WIPF2: variants seen among roughly 807,000 people sequenced by gnomAD.
WIPF2 encodes WAS/WASL-interacting protein family member 2.
Under a neutral mutation model 38.8 loss-of-function variants are expected in WIPF2, and 23 were observed. The ratio of observed to expected loss-of-function variants is 0.59; its 90% confidence interval spans 0.43 to 0.84. WIPF2 has a LOEUF of 0.84. Among genes scored for constraint, WIPF2 ranks in the 40% least tolerant of loss-of-function variants. WIPF2 has a pLI of 0.00. For synonymous variants in WIPF2, 210 were observed against 223.2 expected, an observed-to-expected ratio of 0.94 and a Z score of 0.53; for missense variants, 574 against 580.5, an observed-to-expected ratio of 0.99 and a Z score of 0.11.
chr17:40,261,677 T>G (rs138419855), intron 3 of WIPF2, among the ~76,000 whole-genome samples: 6 of 118,056 alleles, frequency 5.1e-5, no homozygotes, highest in East Asian at 3.9e-4. Flanking sequence ...TGTTTTTTTT[T>G]TTTGGTTTTT....
At chr17:40,249,132 G>A (rs2031470538) in intron 1 of WIPF2, among the ~76,000 whole-genome samples, 1 of 152,186 alleles carries the variant, frequency 6.6e-6, no homozygotes, top group Non-Finnish European at 1.5e-5. Flanking sequence ...ATAGCATTAA[G>A]ATTTAGAATT....
At chr17:40,244,392 G>A (rs964004082) in intron 1 of WIPF2, among the ~76,000 whole-genome samples, 1 of 152,112 alleles carries the variant, frequency 6.6e-6, no homozygotes, top group Non-Finnish European at 1.5e-5. Context: ...TGCCATTGTA[G>A]TAATGAGCTC....
At chr17:40,261,857 T>G (rs2031916477) in intron 3 of WIPF2, among the ~76,000 whole-genome samples, 2 of 150,400 alleles carry the variant, frequency 1.3e-5, no homozygotes. Flanking sequence ...CGGCTAATTT[T>G]TTGTATTTTT....
chr17:40,233,670 T>C (rs560545082), intron 1 of WIPF2, among the ~76,000 whole-genome samples: 1 of 152,254 alleles, frequency 6.6e-6, no homozygotes, highest in African/African-American at 2.4e-5. Flanking sequence ...CTGAAGGTGA[T>C]GGCACAAGCC....
intron 1 of WIPF2, among the ~76,000 whole-genome samples, chr17:40,229,199 C>T (rs2030637841): frequency 6.6e-6 from 1 of 151,690 alleles, no homozygotes; most frequent in African/African-American, 2.4e-5. Flanking sequence ...GCAACCTCTG[C>T]CTCCCGGGTT....
intron 1 of WIPF2, among the ~76,000 whole-genome samples, chr17:40,243,598 C>G (rs923260109): frequency 6.6e-6 from 1 of 151,944 alleles, no homozygotes; most frequent in African/African-American, 2.4e-5. Context: ...ACTGCAACCT[C>G]TGCCTACCGG....
chr17:40,265,592 A>G (rs1049714356), intron 5 of WIPF2, among the ~76,000 whole-genome samples: 1 of 152,208 alleles, frequency 6.6e-6, no homozygotes, highest in Admixed American at 6.5e-5. Context: ...GCCATAAGGC[A>G]GAAGTATTCT....
At chr17:40,268,761 G>GA (rs1294628601) in intron 5 of WIPF2, among the ~76,000 whole-genome samples, 4 of 152,068 alleles carry the variant, frequency 2.6e-5, no homozygotes, top group African/African-American at 7.2e-5. Context: ...TGATAAACCA[G>GA]AAAAAAATTG....
chr17:40,276,015 A>T (rs186922993), intron 6 of WIPF2, among the ~76,000 whole-genome samples: 2,309 of 152,326 alleles, frequency 0.015, 29 homozygotes, highest in Non-Finnish European at 0.023. Flanking sequence ...CTTACAGAAA[A>T]TTTGAGCTTT....
intron 1 of WIPF2, among the ~76,000 whole-genome samples, chr17:40,251,338 ATTTT>A (rs199868665): frequency 7.1e-6 from 1 of 140,264 alleles, no homozygotes; most frequent in Non-Finnish European, 1.6e-5. Context: ...GTTTTGGTTC[ATTTT>A]TTTTTTTTTT....
intron 1 of WIPF2, among the ~76,000 whole-genome samples, chr17:40,239,638 C>T (rs941028770): frequency 2.0e-5 from 3 of 151,390 alleles, no homozygotes; most frequent in Non-Finnish European, 2.9e-5. Context: ...CCCTTATTTC[C>T]GTCACTGCCC....
intron 1 of WIPF2, among the ~76,000 whole-genome samples, chr17:40,227,117 C>T (rs2030527174): frequency 6.6e-6 from 1 of 152,074 alleles, no homozygotes; most frequent in South Asian, 2.1e-4. Context: ...TCTGGGCTCA[C>T]TGCAAGCTCT....
chr17:40,232,372 T>C (rs1250490483), intron 1 of WIPF2, among the ~76,000 whole-genome samples: 1 of 151,442 alleles, frequency 6.6e-6, no homozygotes, highest in African/African-American at 2.4e-5. Flanking sequence ...GTAGTTTTAG[T>C]AGAGACAGGG....
At position 40,238,853 on chromosome 17, in the gene WIPF2, C is replaced by T. The variant is rs138488180; in HGVS notation, c.-69-17538C>T. Reference sequence around the variant, plus strand: ...GTCTGAAACTCCTGACCTCATGATCCGCCCGCCTTGGCCTCCCAAAGTGCT... The same window carrying T: ...GTCTGAAACTCCTGACCTCATGATCTGCCCGCCTTGGCCTCCCAAAGTGCT... On this transcript the variant is annotated intron_variant, in intron 1 of 7. Coordinates refer to ENST00000323571, the MANE Select transcript of WIPF2 (RefSeq NM_133264.5). Among the ~76,000 whole-genome samples, 703 of 151,882 alleles carry T rather than the reference C, an allele frequency of 4.6e-3. 8 individuals carry two copies. Among genetic ancestry groups the T allele is most frequent in the South Asian group, 8.3e-3 (40 of 4,810 alleles).
chr17:40,274,125 C>T (rs2032321346), intron 6 of WIPF2, 126 bp downstream of exon 6: 3 of 710,422 alleles, frequency 4.2e-6, no homozygotes, highest in South Asian at 2.2e-5. Flanking sequence ...CACAATAGTT[C>T]TCCTGCTGAC....
At chr17:40,272,260 C>A (rs917012650) in intron 5 of WIPF2, among the ~76,000 whole-genome samples, 19 of 152,118 alleles carry the variant, frequency 1.2e-4, no homozygotes, top group Non-Finnish European at 1.9e-4. Context: ...CTCAGGTGAT[C>A]CTCCCGCCTC....
chr17:40,222,425 A>C (rs954577492), intron 1 of WIPF2, among the ~76,000 whole-genome samples: 1 of 150,508 alleles, frequency 6.6e-6, no homozygotes, highest in African/African-American at 2.4e-5. Context: ...TGGGAGGCCA[A>C]GGTGGTGGAT....
At chr17:40,245,531 C>G (rs534067364) in intron 1 of WIPF2, among the ~76,000 whole-genome samples, 271 of 152,048 alleles carry the variant, frequency 1.8e-3, no homozygotes, top group Non-Finnish European at 3.1e-3. Context: ...TTAGTAGAGA[C>G]AGGGTTTCAC....
chr17:40,238,620 A>G (rs1207342247), intron 1 of WIPF2, among the ~76,000 whole-genome samples: 1 of 149,434 alleles, frequency 6.7e-6, no homozygotes, highest in Non-Finnish European at 1.5e-5. Context: ...TTTATTTATT[A>G]TTATTTTTTT....
Sources: gnomAD v4.1 joint callset for allele counts (sites outside exome capture counted in the v4.1 genomes callset) on GRCh38, gnomAD v4.1.1 for gene constraint, MANE v1.5 for transcripts, NCBI Gene and HGNC (gene_info 2026-07-23, HGNC 2026-07-21) for gene names.